The following FAM184A variants were observed in gnomAD, a reference collection of about 807,000 sequenced individuals.
FAM184A encodes the protein family with sequence similarity 184 member A.
FAM184A carries 99 observed loss-of-function variants against 143.8 expected under a neutral mutation model. That is an observed-to-expected ratio of 0.69 (90% confidence interval 0.58 to 0.81). FAM184A has a LOEUF of 0.81. Ranked by LOEUF, FAM184A falls within the 40% of genes least tolerant of loss-of-function variation. The pLI is 0.00. For missense variants in FAM184A, 1,217 were observed against 1,310.5 expected, an observed-to-expected ratio of 0.93 and a Z score of 1.10; for synonymous variants, 427 against 446.4, an observed-to-expected ratio of 0.96 and a Z score of 0.55.
chr6:119,117,565 G>T (rs753665935), intron 1 of FAM184A, among the ~76,000 whole-genome samples: 1 of 152,174 alleles, frequency 6.6e-6, no homozygotes, highest in Non-Finnish European at 1.5e-5. Flanking sequence ...AGGCCCCATT[G>T]CTTTGAACAT....
At chr6:119,037,312 G>T (rs892012811) in intron 1 of FAM184A, among the ~76,000 whole-genome samples, 10 of 152,132 alleles carry the variant, frequency 6.6e-5, no homozygotes, top group African/African-American at 1.4e-4. Context: ...GTTGTGAGGG[G>T]TTTTTTTGTT....
intron 9 of FAM184A, among the ~76,000 whole-genome samples, chr6:118,989,025 G>A (rs868071446): frequency 2.2e-5 from 3 of 139,152 alleles, no homozygotes; most frequent in African/African-American, 5.4e-5. Context: ...GCAGTGGCAC[G>A]ATCTCGGCTC....
chr6:119,058,442 A>T (rs371952322), intron 1 of FAM184A, among the ~76,000 whole-genome samples: 2 of 151,882 alleles, frequency 1.3e-5, no homozygotes, highest in South Asian at 4.2e-4. Context: ...ACTTCAGGTG[A>T]TCTGCCCACC....
At chr6:119,132,136 G>T (rs1046180952) in intron 1 of FAM184A, among the ~76,000 whole-genome samples, 9 of 152,106 alleles carry the variant, frequency 5.9e-5, no homozygotes, top group Middle Eastern at 3.4e-3. Context: ...TCCTTCATTT[G>T]TTTATTTCTG....
chr6:119,091,824 G>A (rs1313750844), intron 1 of FAM184A, among the ~76,000 whole-genome samples: 1 of 152,202 alleles, frequency 6.6e-6, no homozygotes, highest in Non-Finnish European at 1.5e-5. Context: ...ATTGGTTTTT[G>A]TTGCTGACAA....
Position 118,964,769 on chromosome 6 carries a change from C to T in FAM184A, c.3036G>A (p.Glu1012=), listed in dbSNP as rs1783444884. The T allele has an allele frequency of 2.0e-6, 3 of 1,521,336 alleles. No homozygotes were observed. In the East Asian group the frequency reaches 6.8e-5, roughly 34 times the overall value. 94.2% of individuals were successfully genotyped at this position (1,521,336 alleles called of 1,614,324 possible). The change falls in exon 16 of 18, where the codon GAG becomes GAA. Residue 1012 remains glutamate, a splice_region_variant and synonymous_variant. Coordinates refer to ENST00000338891, the MANE Select transcript of FAM184A (RefSeq NM_024581.6). ...ERDQIIKKLI[E]DNKFYQLELV... is the part of the protein sequence containing the mutation. Reference sequence around the variant, plus strand: ...ATTCCAGCTGATAAAACTTATTATCCTCCTATGCAAAAGAATTATAAACAT... The same window carrying T: ...ATTCCAGCTGATAAAACTTATTATCTTCCTATGCAAAAGAATTATAAACAT...
intron 5 of FAM184A, among the ~76,000 whole-genome samples, chr6:119,016,125 A>G (rs866822583): frequency 2.6e-5 from 4 of 152,090 alleles, no homozygotes; most frequent in Non-Finnish European, 5.9e-5. Context: ...AACTAATCTG[A>G]TGGGAATGTG....
At chr6:119,136,637 G>A (rs1022337257) in intron 1 of FAM184A, among the ~76,000 whole-genome samples, 1 of 152,162 alleles carries the variant, frequency 6.6e-6, no homozygotes, top group African/African-American at 2.4e-5. Flanking sequence ...GTAGGAATTA[G>A]GGTAGCTCCA....
chr6:119,082,160 A>G (rs1307838789), upstream of FAM184A, among the ~76,000 whole-genome samples: 2 of 152,250 alleles, frequency 1.3e-5, no homozygotes, highest in East Asian at 1.9e-4. Flanking sequence ...CCCGTTCTGT[A>G]TTATTTGAAG....
chr6:118,980,205 T>G lies in FAM184A; in HGVS notation c.2234A>C (p.Lys745Thr), dbSNP rs745733883. The change falls in exon 10 of 18, where the codon AAA becomes ACA. Residue 745 changes from lysine to threonine, a missense_variant. Coordinates refer to ENST00000338891, the MANE Select transcript of FAM184A (RefSeq NM_024581.6). ...ELEEQHQQRH[K>T]SLKEAHVLAF... ...AAGGACATGTGCTTCTTTTAATGATTTGTGTCTTTGCTGATGTTGCTCCTC... is the reference window on the plus strand; with the variant it reads ...AAGGACATGTGCTTCTTTTAATGATGTGTGTCTTTGCTGATGTTGCTCCTC... 14 of 1,614,048 alleles carry G rather than the reference T, an allele frequency of 8.7e-6. No homozygotes were observed. In the South Asian group the frequency reaches 1.4e-4, roughly 16 times the overall value.
intron 1 of FAM184A, among the ~76,000 whole-genome samples, chr6:119,137,625 A>C (rs1255316279): frequency 6.6e-6 from 1 of 152,184 alleles, no homozygotes; most frequent in South Asian, 2.1e-4. Context: ...CATTTTTGAT[A>C]ATCTTCTCAT....
At chr6:119,018,126 T>C (rs1446323714) in intron 4 of FAM184A, among the ~76,000 whole-genome samples, 5 of 152,158 alleles carry the variant, frequency 3.3e-5, no homozygotes, top group Non-Finnish European at 5.9e-5. Flanking sequence ...TGCAGATGTA[T>C]ATCCCGTGTT....
Position 119,071,738 on chromosome 6 carries a change from T to G in FAM184A, c.159+6403A>C, listed in dbSNP as rs965524900. Among the ~76,000 whole-genome samples, 4 of 151,966 alleles carry G rather than the reference T, an allele frequency of 2.6e-5. No homozygotes were observed. In the East Asian group the frequency reaches 7.7e-4, roughly 29 times the overall value. On this transcript the variant is annotated intron_variant, in intron 1 of 17. Transcript: ENST00000338891. Reference sequence around the variant, plus strand: ...GTGTGGCCACCCCCACCTAGACCAATCTAGAGAGCTGAATGTGAGTCCAGG... The same window carrying G: ...GTGTGGCCACCCCCACCTAGACCAAGCTAGAGAGCTGAATGTGAGTCCAGG...
At chr6:118,978,894 T>C (rs1237026358) in intron 11 of FAM184A, among the ~76,000 whole-genome samples, 1 of 152,198 alleles carries the variant, frequency 6.6e-6, no homozygotes, top group African/African-American at 2.4e-5. Context: ...TACCTCCTTA[T>C]AAAAAGTAAT....
At chr6:119,140,780 T>C (rs1002344145) in intron 1 of FAM184A, among the ~76,000 whole-genome samples, 5 of 152,238 alleles carry the variant, frequency 3.3e-5, no homozygotes, top group African/African-American at 1.2e-4. Context: ...TCTCTTTCTC[T>C]TTCAGAATCC....
chr6:119,023,261 G>A lies in FAM184A; in HGVS notation c.1015-181C>T, dbSNP rs928280469. ...TGTTTTCATAAACATGACCCAATCA[G>A]GAAAGGCTATTCCACACTTTCTAAT... On this transcript the variant is annotated intron_variant, in intron 2 of 17. Coordinates refer to ENST00000338891, the MANE Select transcript of FAM184A (RefSeq NM_024581.6). 3.3e-4 allele frequency among the ~76,000 whole-genome samples: 50 copies of A among 152,098 alleles called. 1 individual carries two copies. Among genetic ancestry groups the A allele is most frequent in the Non-Finnish European group, 5.9e-5 (4 of 68,020 alleles).
At chr6:118,973,907 G>A (rs1053437525) in intron 14 of FAM184A, among the ~76,000 whole-genome samples, 7 of 151,930 alleles carry the variant, frequency 4.6e-5, no homozygotes, top group African/African-American at 1.7e-4. Context: ...CTTCTTGTAG[G>A]AATTTAAACA....
intron 16 of FAM184A, chr6:118,963,656 C>T (rs550942200): frequency 3.4e-4 from 51 of 152,042 alleles, no homozygotes; most frequent in African/African-American, 1.2e-3. Flanking sequence ...TTAGGCATGA[C>T]GTGAAACTTA....
chr6:119,026,012 C>G (rs1002386324), intron 1 of FAM184A, among the ~76,000 whole-genome samples: 2 of 152,200 alleles, frequency 1.3e-5, no homozygotes, highest in African/African-American at 4.8e-5. Context: ...CTGTCACTGT[C>G]TGGGACAGCA....
Sources: allele counts gnomAD v4.1 joint callset (sites outside exome capture counted in the v4.1 genomes callset), GRCh38; gene constraint gnomAD v4.1.1; transcripts MANE v1.5; gene names NCBI Gene and HGNC (gene_info 2026-07-23, HGNC 2026-07-21).